The following ZNF66 variants were observed in gnomAD, a reference collection of about 807,000 sequenced individuals.
ZNF66 encodes putative zinc finger protein 66.
Under a neutral mutation model 35.2 loss-of-function variants are expected in ZNF66, and 32 were observed. The ratio of observed to expected loss-of-function variants is 0.91; its 90% confidence interval spans 0.69 to 1.22. The LOEUF is 1.22. ZNF66 is among the 50% of genes most tolerant of loss of function. The probability of loss-of-function intolerance (pLI) is 0.00; values close to 1 mark genes in which losing one functional copy is unlikely to be tolerated. For missense variants in ZNF66, 666 were observed against 543.1 expected, an observed-to-expected ratio of 1.23 and a Z score of -2.25; for synonymous variants, 231 against 181.3, an observed-to-expected ratio of 1.27 and a Z score of -2.20.
chr19:20,809,370 C>A lies in ZNF66; in HGVS notation c.*2048C>A, dbSNP rs1971564167. ...CCTTGAGAAGAGCAACTCCAAGACA[C>A]ATAATTGTCAGATTCACCAAAGTTG... On this transcript the variant is annotated 3_prime_UTR_variant, in exon 4 of 4. Coordinates refer to ENST00000344519, the MANE Select transcript of ZNF66 (RefSeq NM_001355197.2). Among the ~76,000 whole-genome samples the A allele has an allele frequency of 6.6e-6, 1 of 151,906 alleles. No homozygotes were observed. Among genetic ancestry groups the A allele is most frequent in the South Asian group, 2.1e-4 (1 of 4,814 alleles).
At chr19:20,794,155 TATAAG>T in intron 3 of ZNF66, 1 of 508,630 alleles carries the variant, frequency 2.0e-6, no homozygotes, top group African/African-American at 2.0e-5. Context: ...CTTCATGACA[TATAAG>T]AGACAGCACA....
chr19:20,797,636 T>G (rs1442300270), intron 3 of ZNF66, among the ~76,000 whole-genome samples: 1 of 151,900 alleles, frequency 6.6e-6, no homozygotes, highest in Non-Finnish European at 1.5e-5. Context: ...TGATCTTGGC[T>G]CACTGTAACC....
intron 1 of ZNF66, among the ~76,000 whole-genome samples, chr19:20,780,972 A>G (rs61416021): frequency 0.092 from 14,000 of 152,066 alleles, 659 homozygotes; most frequent in Middle Eastern, 0.11. Context: ...ACTTCACCAC[A>G]GCATTTTTGA....
At chr19:20,787,627 A>T (rs1394559298) in intron 1 of ZNF66, among the ~76,000 whole-genome samples, 1 of 152,178 alleles carries the variant, frequency 6.6e-6, no homozygotes, top group East Asian at 1.9e-4. Context: ...TTGTTCATTG[A>T]CCTGCTACAG....
intron 1 of ZNF66, among the ~76,000 whole-genome samples, chr19:20,785,916 T>G (rs899230905): frequency 3.9e-5 from 6 of 151,986 alleles, no homozygotes; most frequent in African/African-American, 1.4e-4. Context: ...CACCTGCCAC[T>G]GTGCTGGGCT....
intron 1 of ZNF66, among the ~76,000 whole-genome samples, chr19:20,780,695 A>C (rs562728862): frequency 6.6e-6 from 1 of 152,028 alleles, no homozygotes; most frequent in African/African-American, 2.4e-5. Flanking sequence ...GAAAAAAGAT[A>C]TCACAGAGGC....
chr19:20,798,814 A>G (rs1971419242), intron 3 of ZNF66, among the ~76,000 whole-genome samples: 1 of 152,216 alleles, frequency 6.6e-6, no homozygotes, highest in African/African-American at 2.4e-5. Flanking sequence ...TTCAGGTGGC[A>G]TAATATTTTC....
chr19:20,805,416 A>G, intron 3 of ZNF66, among the ~76,000 whole-genome samples: 1 of 150,954 alleles, frequency 6.6e-6, no homozygotes, highest in Non-Finnish European at 1.5e-5. Context: ...CTGCCTTTGA[A>G]CTCCTGACCT....
rs758183555 is a variant in ZNF66, at chr19:20,806,722, T to C, written c.1122T>C (p.Cys374=). The C allele has an allele frequency of 4.6e-5, 65 of 1,422,000 alleles. No homozygotes were observed. In the African/African-American group the frequency reaches 7.6e-4, roughly 17 times the overall value. 88.1% of individuals were successfully genotyped at this position (1,422,000 alleles called of 1,614,324 possible). A position where few individuals can be genotyped will look rare whatever the true frequency, so the allele number is the denominator to read the frequency against. The part of the protein sequence containing the change: ...TGEKPYKCEE[C]GEAFKYSCSL... ...AGAAACCCTACAAATGTGAAGAATG[T>C]GGTGAAGCCTTTAAGTACTCCTGTT... Residue 374 remains cysteine, a synonymous_variant, in exon 4 of 4, where the codon TGT becomes TGC. Transcript: ENST00000344519.
Position 20,793,855 on chromosome 19 carries a change from A to T in ZNF66, c.203A>T (p.His68Leu), listed in dbSNP as rs746423035. The T allele has an allele frequency of 8.5e-7, 1 of 1,183,178 alleles. No homozygotes were observed. Among genetic ancestry groups the T allele is most frequent in the Non-Finnish European group, 1.2e-6 (1 of 841,412 alleles). 73.3% of individuals were successfully genotyped at this position (1,183,178 alleles called of 1,614,324 possible). Reference protein sequence around the residue: ...QGKKPSTMQRHEMVANPSVLC... With the variant: ...QGKKPSTMQRLEMVANPSVLC... ...AAAAAACCTTCGACTATGCAGAGACATGAGATGGTAGCCAACCCCTCAGGT... is the reference window on the plus strand; with the variant it reads ...AAAAAACCTTCGACTATGCAGAGACTTGAGATGGTAGCCAACCCCTCAGGT... The change falls in exon 3 of 4, where the codon CAT becomes CTT. Residue 68 changes from histidine (H) to leucine (L), a missense_variant. Physicochemically the swap from His to Leu is moderately conservative, Grantham distance 99. Transcript: ENST00000344519.
intron 3 of ZNF66, chr19:20,794,429 G>C (rs1375578924): frequency 3.3e-5 from 5 of 151,300 alleles, no homozygotes; most frequent in Non-Finnish European, 7.4e-5. Flanking sequence ...GCTATTCAAA[G>C]TTTATTTTAG....
chr19:20,789,789 A>G (rs955483175), intron 1 of ZNF66, among the ~76,000 whole-genome samples: 5 of 152,212 alleles, frequency 3.3e-5, no homozygotes, highest in Admixed American at 1.3e-4. Context: ...CGAGAATTAA[A>G]TCACATAATG....
intron 1 of ZNF66, among the ~76,000 whole-genome samples, chr19:20,779,244 A>G (rs555323865): frequency 3.8e-4 from 58 of 152,348 alleles, no homozygotes; most frequent in Middle Eastern, 3.4e-3. Context: ...AATTATTGCA[A>G]CAGGAGAAAG....
chr19:20,783,461 A>T (rs893117213), intron 1 of ZNF66, among the ~76,000 whole-genome samples: 7 of 152,166 alleles, frequency 4.6e-5, no homozygotes, highest in Non-Finnish European at 7.4e-5. Flanking sequence ...ATGACTCCAG[A>T]TTATCTTTAT....
rs1971412899 is a variant in ZNF66, at chr19:20,798,147, T to A, written c.226+4269T>A. ...GGGATAGTCTTATTTTACCATGTGT[T>A]TAGTAATTAATATGTATTTCCTTTC... On this transcript the variant is annotated intron_variant, in intron 3 of 3. Coordinates refer to ENST00000344519, the MANE Select transcript of ZNF66 (RefSeq NM_001355197.2). Among the ~76,000 whole-genome samples the A allele has an allele frequency of 2.6e-5, 4 of 152,284 alleles. No homozygotes were observed. In the South Asian group the frequency reaches 8.3e-4, roughly 32 times the overall value.
At chr19:20,791,934 CT>C (rs1171918190) in intron 1 of ZNF66, among the ~76,000 whole-genome samples, 4 of 151,824 alleles carry the variant, frequency 2.6e-5, no homozygotes, top group Non-Finnish European at 4.4e-5. Flanking sequence ...GTTCTTTTTT[CT>C]TTTTTTCTAC....
intron 1 of ZNF66, among the ~76,000 whole-genome samples, chr19:20,778,826 T>G (rs1010698685): frequency 6.2e-4 from 94 of 151,814 alleles, no homozygotes; most frequent in African/African-American, 2.1e-3. Context: ...TTTCCTTCCC[T>G]TATGTAAACA....
chr19:20,808,457 C>G lies in ZNF66; in HGVS notation c.*1135C>G, dbSNP rs1971549051. On this transcript the variant is annotated 3_prime_UTR_variant, in exon 4 of 4. Transcript: ENST00000344519. ...ACTGGGAGGCACACCCCAGTAGGGGCAGACTGACACTTCACACGGCTGGGT... is the reference window on the plus strand; with the variant it reads ...ACTGGGAGGCACACCCCAGTAGGGGGAGACTGACACTTCACACGGCTGGGT... 6.6e-6 allele frequency among the ~76,000 whole-genome samples: 1 copy of G among 152,180 alleles called. No homozygotes were observed. The highest frequency in any genetic ancestry group is 1.5e-5 in the Non-Finnish European group (1 of 68,032).
chr19:20,792,210 A>G (rs1002024941), intron 1 of ZNF66, among the ~76,000 whole-genome samples: 1 of 152,190 alleles, frequency 6.6e-6, no homozygotes, highest in Non-Finnish European at 1.5e-5. Context: ...TTCACAACTC[A>G]TTCCATATGA....
Sources: allele counts gnomAD v4.1 joint callset (sites outside exome capture counted in the v4.1 genomes callset), GRCh38; gene constraint gnomAD v4.1.1; transcripts MANE v1.5; gene names NCBI Gene and HGNC (gene_info 2026-07-23, HGNC 2026-07-21).